The following RNF152 variants were observed in gnomAD, a reference collection of about 807,000 sequenced individuals.
The protein encoded by RNF152 is E3 ubiquitin-protein ligase RNF152.
RNF152 carries 11 observed loss-of-function variants against 12.7 expected under a neutral mutation model. That is an observed-to-expected ratio of 0.86 (90% CI 0.54 to 1.43). The LOEUF is 1.43. Ranked by LOEUF, RNF152 falls within the 40% of genes most tolerant of loss-of-function variation. RNF152 has a pLI of 0.00. For missense variants in RNF152, 255 were observed against 274.8 expected, an observed-to-expected ratio of 0.93 and a Z score of 0.51; for synonymous variants, 113 against 120.3, an observed-to-expected ratio of 0.94 and a Z score of 0.40.
intron 1 of RNF152, among the ~76,000 whole-genome samples, chr18:61,850,603 A>G (rs1229757457): frequency 6.6e-5 from 10 of 152,244 alleles, no homozygotes; most frequent in East Asian, 1.9e-4. Context: ...TTAGAGCACA[A>G]TAAATATTTA....
intron 1 of RNF152, among the ~76,000 whole-genome samples, chr18:61,834,601 T>C (rs1388250279): frequency 6.6e-6 from 1 of 152,166 alleles, no homozygotes; most frequent in Non-Finnish European, 1.5e-5. Context: ...CTTTCTGCAG[T>C]ACCTAGGCAA....
intron 1 of RNF152, among the ~76,000 whole-genome samples, chr18:61,842,862 C>T (rs539976716): frequency 2.1e-4 from 32 of 152,244 alleles, no homozygotes; most frequent in South Asian, 1.7e-3. Flanking sequence ...AAGAACAGCA[C>T]GGGAAAGACC....
At chr18:61,860,887 T>C (rs1253722431) in intron 1 of RNF152, among the ~76,000 whole-genome samples, 1 of 152,200 alleles carries the variant, frequency 6.6e-6, no homozygotes, top group African/African-American at 2.4e-5. Context: ...ATTTGTGTTT[T>C]AGTTTTTAAC....
chr18:61,822,446 C>G (rs1416184591), intron 1 of RNF152, among the ~76,000 whole-genome samples: 1 of 152,152 alleles, frequency 6.6e-6, no homozygotes, highest in African/African-American at 2.4e-5. Context: ...TTTTTAAAAA[C>G]TATACATAAT....
chr18:61,855,039 C>T (rs1044291680), intron 1 of RNF152, among the ~76,000 whole-genome samples: 2 of 152,112 alleles, frequency 1.3e-5, no homozygotes, highest in African/African-American at 4.8e-5. Flanking sequence ...TTTAAATAAG[C>T]TAATGGTGGT....
chr18:61,829,768 AGTTCTTATGTT>A (rs1465357412), intron 1 of RNF152, among the ~76,000 whole-genome samples: 1 of 152,078 alleles, frequency 6.6e-6, no homozygotes, highest in African/African-American at 2.4e-5. Flanking sequence ...TGGAAGCGGA[AGTTCTTATGTT>A]GTGAGAAGAA....
At chr18:61,891,463 T>C (rs746860620) in intron 1 of RNF152, among the ~76,000 whole-genome samples, 6 of 152,228 alleles carry the variant, frequency 3.9e-5, no homozygotes, top group South Asian at 4.1e-4. Flanking sequence ...CTTGTTTCTA[T>C]TGCATTATTA....
At chr18:61,879,992 G>T (rs4941079) in intron 1 of RNF152, among the ~76,000 whole-genome samples, 85,894 of 151,182 alleles carry the variant, frequency 0.57, 24,412 homozygotes, top group East Asian at 0.75. Flanking sequence ...TTTTTTTTGT[G>T]CACAGCTTTT....
At chr18:61,864,285 A>G (rs543992407) in intron 1 of RNF152, among the ~76,000 whole-genome samples, 1 of 152,262 alleles carries the variant, frequency 6.6e-6, no homozygotes, top group Non-Finnish European at 1.5e-5. Flanking sequence ...GGGGTTTCTC[A>G]CAACCCCCTC....
intron 1 of RNF152, among the ~76,000 whole-genome samples, chr18:61,877,928 A>C (rs1912286468): frequency 6.6e-6 from 1 of 152,186 alleles, no homozygotes. Context: ...TCTCTTCTTC[A>C]CAGTGTATTC....
At chr18:61,885,911 G>T (rs759594425) in intron 1 of RNF152, among the ~76,000 whole-genome samples, 15 of 151,648 alleles carry the variant, frequency 9.9e-5, no homozygotes, top group Non-Finnish European at 1.8e-4. Flanking sequence ...TGGTCTGGTA[G>T]GCTGTAAAGT....
intron 1 of RNF152, among the ~76,000 whole-genome samples, chr18:61,879,699 C>T (rs1011563784): frequency 2.0e-5 from 3 of 152,102 alleles, no homozygotes; most frequent in Non-Finnish European, 4.4e-5. Context: ...CACGATGGCT[C>T]ACACCTGTAA....
In RNF152 at chr18:61,811,864, T is replaced by C. The variant is rs764023382; in HGVS notation, c.*3988A>G. 6.6e-5 allele frequency: 10 copies of C among 152,168 alleles called. No individual in the cohort carries two copies. Among genetic ancestry groups the C allele is most frequent in the African/African-American group, 1.7e-4 (7 of 41,446 alleles). The allele number at this position is 152,168 out of a possible 1,614,324, so 9.4% of individuals were successfully genotyped here. On this transcript the variant is annotated 3_prime_UTR_variant, in exon 2 of 2. Transcript: ENST00000312828. ...CTGTCTAACTACTATTTTTGGACAA[T>C]AGGTTAACATGCAGCTAATGATCCC...
chr18:61,866,713 C>G (rs1911749771), intron 1 of RNF152, among the ~76,000 whole-genome samples: 1 of 152,218 alleles, frequency 6.6e-6, no homozygotes, highest in Non-Finnish European at 1.5e-5. Flanking sequence ...CTTCATCAAC[C>G]ATTCACTACT....
chr18:61,875,904 T>C (rs1178038168), intron 1 of RNF152, among the ~76,000 whole-genome samples: 1 of 152,090 alleles, frequency 6.6e-6, no homozygotes, highest in Admixed American at 6.5e-5. Context: ...TCCATATTGA[T>C]GACTGCCAGA....
chr18:61,851,188 A>G (rs1385828226), intron 1 of RNF152, among the ~76,000 whole-genome samples: 4 of 151,802 alleles, frequency 2.6e-5, no homozygotes, highest in Non-Finnish European at 5.9e-5. Context: ...GACAGGCTGT[A>G]CTCACCCCAT....
intron 1 of RNF152, among the ~76,000 whole-genome samples, chr18:61,892,211 G>A (rs1001198493): frequency 1.3e-5 from 2 of 152,172 alleles, no homozygotes; most frequent in Non-Finnish European, 2.9e-5. Context: ...CACTCAAGCT[G>A]TTTTCTCTGT....
chr18:61,816,561 A>G lies in RNF152; in HGVS notation c.-98T>C. 7.7e-7 allele frequency: 1 copy of G among 1,303,952 alleles called. No individual in the cohort carries two copies. Among genetic ancestry groups the G allele is most frequent in the Non-Finnish European group, 1.1e-6 (1 of 940,300 alleles). 80.8% of individuals were successfully genotyped at this position (1,303,952 alleles called of 1,614,324 possible). On this transcript the variant is annotated 5_prime_UTR_variant, in exon 2 of 2. Transcript: ENST00000312828. The stretch of plus-strand genomic sequence containing the variant: ...TGTCTTTGCAGTGCAGGTAATGGCA[A>G]GCTCACAGGCATCCAGTACTCACAG...
chr18:61,869,340 A>G (rs1218155862), intron 1 of RNF152, among the ~76,000 whole-genome samples: 1 of 152,234 alleles, frequency 6.6e-6, no homozygotes, highest in East Asian at 1.9e-4. Flanking sequence ...CTGGTCTCCA[A>G]GATTCATCTT....
Sources: gnomAD v4.1 joint callset for allele counts (sites outside exome capture counted in the v4.1 genomes callset) on GRCh38, gnomAD v4.1.1 for gene constraint, MANE v1.5 for transcripts, NCBI Gene and HGNC (gene_info 2026-07-23, HGNC 2026-07-21) for gene names.